The following MCM3AP variants were observed in gnomAD, a reference collection of about 807,000 sequenced individuals.
MCM3AP encodes minichromosome maintenance complex component 3 associated protein.
A neutral mutation model predicts 184.1 loss-of-function variants in MCM3AP; 126 were observed. That is an observed-to-expected ratio of 0.68 (90% CI 0.59 to 0.79). The LOEUF (loss-of-function observed/expected upper bound fraction) is 0.79, where lower values mean the gene tolerates loss of function less well. Among genes scored for constraint, MCM3AP ranks in the 30% least tolerant of loss-of-function variants. The pLI is 0.00. For synonymous variants in MCM3AP, 1,002 were observed against 979.3 expected, an observed-to-expected ratio of 1.02 and a Z score of -0.43; for missense variants, 2,496 against 2,479.2, an observed-to-expected ratio of 1.01 and a Z score of -0.14.
rs914825520 is a variant in MCM3AP, at chr21:46,280,669, T to C, written c.1444-94A>G. ...CAAATGCAGTAAGCACAACAGACCA[T>C]TCAAAGGCACCAGGAGCTCCTGTCC... On this transcript the variant is annotated intron_variant, in intron 2 of 27. Transcript: ENST00000291688. The C allele has an allele frequency of 2.9e-4, 229 of 800,164 alleles. 2 individuals are homozygous for C. In the Middle Eastern group the frequency reaches 3.7e-3, roughly 13 times the overall value. 49.6% of individuals were successfully genotyped at this position (800,164 alleles called of 1,614,324 possible). A position where few individuals can be genotyped will look rare whatever the true frequency, so the allele number is the denominator to read the frequency against.
Position 46,235,328 on chromosome 21 carries a change from C to T in MCM3AP, c.5883G>A (p.Arg1961=), listed in dbSNP as rs1339634853. The T allele has an allele frequency of 5.0e-6, 8 of 1,614,190 alleles. No individual in the cohort carries two copies. The South Asian group carries it at 6.6e-5, about 13-fold the overall frequency. Reference sequence around the variant, plus strand: ...GGAGCTCAGAGGCAACTTCCTCTTCCCTTGAACTCCGGATCAGCCTTTCCA... The same window carrying T: ...GGAGCTCAGAGGCAACTTCCTCTTCTCTTGAACTCCGGATCAGCCTTTCCA... ...KHLERLIRSS[R]EEEVASELHL... is the part of the protein sequence containing the mutation. The change falls in exon 28 of 28, where the codon AGG becomes AGA. Residue 1961 remains arginine, a synonymous_variant. Coordinates refer to ENST00000291688, the MANE Select transcript of MCM3AP (RefSeq NM_003906.5).
chr21:46,259,060 C>G lies in MCM3AP; in HGVS notation c.3613G>C (p.Val1205Leu), dbSNP rs951400353. 6.2e-7 allele frequency: 1 copy of G among 1,613,838 alleles called. No individual in the cohort carries two copies. The highest frequency in any genetic ancestry group is 1.3e-5 in the African/African-American group (1 of 74,908). ...NAVETDQRVR[V>L]ARCCEDVCAH... is the part of the protein sequence containing the mutation. ...CAGACATCCTCACAGCAACGGGCCA[C>G]ACGGACCCTCTGGTCTGTCTCTACT... is the stretch of plus-strand genomic sequence containing the variant. The change falls in exon 16 of 28, where the codon GTG becomes CTG. Residue 1205 changes from valine to leucine, a missense_variant. By Grantham distance (32) the Val-to-Leu change is conservative (BLOSUM62 1). Transcript: ENST00000291688.
chr21:46,265,520 C>G lies in MCM3AP; in HGVS notation c.3035G>C (p.Gly1012Ala). The G allele has an allele frequency of 6.3e-7, 1 of 1,588,792 alleles. No individual in the cohort carries two copies. The highest frequency in any genetic ancestry group is 1.1e-5 in the South Asian group (1 of 87,520). The change falls in exon 12 of 28, where the codon GGA becomes GCA. Residue 1012 changes from glycine to alanine, a missense_variant. Physicochemically the swap from Gly to Ala is moderately conservative, Grantham distance 60 (BLOSUM62 0). Coordinates refer to ENST00000291688, the MANE Select transcript of MCM3AP (RefSeq NM_003906.5). Reference sequence around the variant, plus strand: ...TACACCACACTCCTCTCCTCTCCCTCCGCCTGGAAGGAAACATACAGGACA... The same window carrying G: ...TACACCACACTCCTCTCCTCTCCCTGCGCCTGGAAGGAAACATACAGGACA... ...TQRPGSDTVG[G>A]GRGEECGVEP...
At chr21:46,263,481 T>C (rs905475421) in intron 13 of MCM3AP, among the ~76,000 whole-genome samples, 5 of 151,446 alleles carry the variant, frequency 3.3e-5, no homozygotes, top group Non-Finnish European at 7.4e-5. Context: ...GAAGATTTAA[T>C]ATTGTTAAGA....
rs971259120 is a variant in MCM3AP at position 46,243,577 on chromosome 21, T to G, written c.5184A>C (p.Pro1728=). 4.3e-6 allele frequency: 7 copies of G among 1,614,104 alleles called. No individual in the cohort carries two copies. Among genetic ancestry groups the G allele is most frequent in the African/African-American group, 1.3e-5 (1 of 74,934 alleles). ...TGACCGAGGGGCCTGCCCCATGGAC[T>G]GGGGAGGGACTCTTGCTCTTCCACC... The part of the protein sequence containing the change: ...YCRWKSKSPS[P]VHGAGPSVME... The change falls in exon 24 of 28, where the codon CCA becomes CCC. Residue 1728 remains proline, a synonymous_variant. Coordinates refer to ENST00000291688, the MANE Select transcript of MCM3AP (RefSeq NM_003906.5).
At chr21:46,242,546 A>G in intron 25 of MCM3AP, 1 of 275,466 alleles carries the variant, frequency 3.6e-6, no homozygotes, top group Middle Eastern at 1.0e-3. Context: ...CCAAATTTGG[A>G]AGTGAGATGA....
At chr21:46,266,187 C>A (rs201951454) in intron 10 of MCM3AP, 21 bp from the exon 11 acceptor site, 15 of 1,581,516 alleles carry the variant, frequency 9.5e-6, no homozygotes, top group East Asian at 2.3e-5. Context: ...CACAAAAGAC[C>A]CCCGAGGGGT....
chr21:46,262,467 G>A (rs565698943), intron 13 of MCM3AP, among the ~76,000 whole-genome samples: 1 of 152,102 alleles, frequency 6.6e-6, no homozygotes, highest in South Asian at 2.1e-4. Flanking sequence ...GGGCAACATA[G>A]AGAGACCCCA....
In MCM3AP at chr21:46,243,655, T is replaced by C; in HGVS notation, c.5106A>G (p.Thr1702=). ...YASQIPSSRQ[T]QPVLQSQVEN... ...CCACCTGGGACTGGAGGACAGGCTG[T>C]GTCTGGCGTGAGCTGGGGATCTGGG... is the stretch of plus-strand genomic sequence containing the variant. The change falls in exon 24 of 28, where the codon ACA becomes ACG. Residue 1702 remains threonine (T), a synonymous_variant. Coordinates refer to ENST00000291688, the MANE Select transcript of MCM3AP (RefSeq NM_003906.5). 6.2e-7 allele frequency: 1 copy of C among 1,614,232 alleles called. No homozygotes were observed. Among genetic ancestry groups the C allele is most frequent in the Non-Finnish European group, 8.5e-7 (1 of 1,180,046 alleles).
rs141331242 is a variant in MCM3AP at position 46,236,635 on chromosome 21, G to A, written c.5784+194C>T. ...TTCAATTCTATTCTTCATTTATTTC[G>A]TAGGCAGAAACTCAAAATCAGTTGG... is the stretch of plus-strand genomic sequence containing the variant. On this transcript the variant is annotated intron_variant, in intron 27 of 27. Coordinates refer to ENST00000291688, the MANE Select transcript of MCM3AP (RefSeq NM_003906.5). Among the ~76,000 whole-genome samples the A allele has an allele frequency of 1.3e-4, 20 of 152,176 alleles. No individual in the cohort carries two copies. The East Asian group carries it at 2.5e-3, about 19-fold the overall frequency.
chr21:46,264,842 A>G (rs894023119), intron 12 of MCM3AP, among the ~76,000 whole-genome samples: 1 of 151,816 alleles, frequency 6.6e-6, no homozygotes, highest in African/African-American at 2.4e-5. Flanking sequence ...GGACACGCCC[A>G]TCCCAGGTCA....
Position 46,267,162 on chromosome 21 carries a change from C to G in MCM3AP, c.2629-20G>C. The G allele has an allele frequency of 6.2e-7, 1 of 1,610,312 alleles. No homozygotes were observed. The highest frequency in any genetic ancestry group is 2.2e-5 in the East Asian group (1 of 44,694). On this transcript the variant is annotated intron_variant, in intron 9 of 27. Coordinates refer to ENST00000291688, the MANE Select transcript of MCM3AP (RefSeq NM_003906.5). ...GCGGATCTGAGAGGAGGAGCGAAATCACTGCAGTCTCAGACGAAGGCCCAG... is the reference window on the plus strand; with the variant it reads ...GCGGATCTGAGAGGAGGAGCGAAATGACTGCAGTCTCAGACGAAGGCCCAG...
chr21:46,269,021 G>C (rs1217151554), intron 9 of MCM3AP, among the ~76,000 whole-genome samples: 1 of 152,178 alleles, frequency 6.6e-6, no homozygotes, highest in East Asian at 1.9e-4. Flanking sequence ...CTGGGCAACA[G>C]AGCGAGACTC....
chr21:46,268,512 A>T (rs1406311923), intron 9 of MCM3AP, among the ~76,000 whole-genome samples: 2 of 152,220 alleles, frequency 1.3e-5, no homozygotes, highest in East Asian at 3.9e-4. Flanking sequence ...ATGGGCAGGG[A>T]GAGCAGGGAG....
Position 46,275,183 on chromosome 21 carries a change from T to C in MCM3AP, c.1998+3A>G. 6.2e-7 allele frequency: 1 copy of C among 1,612,658 alleles called. No homozygotes were observed. ...CACTCCACGGGGAGATGCAGGGCTCTACCTGGTCAGTCCCTGGGACCACTT... is the reference window on the plus strand; with the variant it reads ...CACTCCACGGGGAGATGCAGGGCTCCACCTGGTCAGTCCCTGGGACCACTT... On this transcript the variant is annotated splice_donor_region_variant and intron_variant, in intron 6 of 27. Transcript: ENST00000291688.
chr21:46,235,406 T>C lies in MCM3AP; in HGVS notation c.5805A>G (p.Gln1935=), dbSNP rs1440420438. 5 of 1,613,862 alleles carry C rather than the reference T, an allele frequency of 3.1e-6. No homozygotes were observed. The highest frequency in any genetic ancestry group is 1.7e-5 in the Admixed American group (1 of 59,998). The change falls in exon 28 of 28, where the codon CAA becomes CAG. Residue 1935 remains glutamine, a synonymous_variant. Transcript: ENST00000291688. ...TSPQSDMMRE[Q]LQLSEATGTC... ...TTCCTGTCGCCTCTGACAGCTGCAG[T>C]TGCTCCCTCATCATGTCACTCTATT... is the stretch of plus-strand genomic sequence containing the variant.
intron 17 of MCM3AP, 57 bp downstream of exon 17, chr21:46,256,732 G>A: frequency 1.3e-6 from 2 of 1,522,100 alleles, no homozygotes; most frequent in Admixed American, 4.1e-5. Context: ...TCCGCTCCTG[G>A]TAAAACCAAG....
chr21:46,283,749 T>C lies in MCM3AP; in HGVS notation c.1309A>G (p.Ile437Val). The part of the protein sequence containing the change: ...GGLSPSEVTA[I>V]QCKNIPDYLN... ...TAGTCAGGGATGTTCTTGCACTGGA[T>C]GGCTGTGACTTCAGAGGGAGACAAG... Residue 437 changes from isoleucine (I) to valine (V), a missense_variant, in exon 2 of 28, where the codon ATC becomes GTC. Physicochemically the swap from Ile to Val is conservative, Grantham distance 29. Coordinates refer to ENST00000291688, the MANE Select transcript of MCM3AP (RefSeq NM_003906.5). 1.9e-6 allele frequency: 3 copies of C among 1,614,184 alleles called. No homozygotes were observed. Among genetic ancestry groups the C allele is most frequent in the Non-Finnish European group, 2.5e-6 (3 of 1,180,000 alleles).
chr21:46,265,871 G>A (rs1019313029), intron 11 of MCM3AP, 54 bp downstream of exon 11: 6 of 1,506,946 alleles, frequency 4.0e-6, no homozygotes, highest in South Asian at 1.4e-5. Context: ...CCTGGGAGGC[G>A]TTCTGGTGGG....
Sources: gnomAD v4.1 joint callset for allele counts (sites outside exome capture counted in the v4.1 genomes callset) on GRCh38, gnomAD v4.1.1 for gene constraint, MANE v1.5 for transcripts, NCBI Gene and HGNC (gene_info 2026-07-23, HGNC 2026-07-21) for gene names.